Variants in DKKL1 observed in about 807,000 individuals in gnomAD.
DKKL1 encodes dickkopf like acrosomal protein 1, also known as dickkopf-like protein 1.
A neutral mutation model predicts 16.5 loss-of-function variants in DKKL1; 11 were observed. That is an observed-to-expected ratio of 0.67 (90% confidence interval 0.42 to 1.10). The LOEUF (loss-of-function observed/expected upper bound fraction) is 1.10. Ranked by LOEUF, DKKL1 falls within the 50% of genes least tolerant of loss-of-function variation. The pLI, the probability that DKKL1 is intolerant of heterozygous loss-of-function variation, is 0.00. For missense variants in DKKL1, 320 were observed against 308.1 expected (o/e 1.04, Z -0.29); for synonymous variants, 119 against 133.2 (o/e 0.89, Z 0.73).
chr19:49,373,119 C>G (rs1053165602), intron 4 of DKKL1, among the ~76,000 whole-genome samples: 4 of 152,056 alleles, frequency 2.6e-5, no homozygotes, highest in Admixed American at 2.6e-4. Flanking sequence ...ACCTGGCCAA[C>G]ATGGTGAAAC....
At position 49,375,018 on chromosome 19, in the gene DKKL1, G is replaced by A. The variant is rs35389403; in HGVS notation, c.719G>A (p.Arg240Gln). 3.2e-3 allele frequency: 5,122 copies of A among 1,605,236 alleles called. 55 individuals carry two copies. Among genetic ancestry groups the A allele is most frequent in the Middle Eastern group, 0.014 (86 of 6,024 alleles). ...THLLYILRPSRQL is the reference protein window; with the variant it reads ...THLLYILRPSQQL Reference sequence around the variant, plus strand: ...TTACTGTACATCCTCAGGCCCTCTCGGCAGCTGTAGGGGTGGGGACCGGGG... The same window carrying A: ...TTACTGTACATCCTCAGGCCCTCTCAGCAGCTGTAGGGGTGGGGACCGGGG... The change falls in exon 5 of 5, where the codon CGG (arginine) becomes CAG (glutamine). Residue 240 changes from arginine to glutamine, a missense_variant. Arg to Gln is a conservative substitution (Grantham distance 43). Transcript: ENST00000221498.
At position 49,363,974 on chromosome 19, in the gene DKKL1, C is replaced by T; in HGVS notation, c.-25C>T. On this transcript the variant is annotated 5_prime_UTR_variant, in exon 1 of 5. Coordinates refer to ENST00000221498, the MANE Select transcript of DKKL1 (RefSeq NM_014419.4). ...CCCGGGCTGTGGTCTAGCATAAAGG[C>T]GGAGCCCAGAAGAAGGGGCGGGGTA... The T allele has an allele frequency of 6.2e-7, 1 of 1,612,724 alleles. No individual in the cohort carries two copies. Among genetic ancestry groups the T allele is most frequent in the Non-Finnish European group, 8.5e-7 (1 of 1,179,404 alleles).
At chr19:49,373,671 T>G (rs997941287) in intron 4 of DKKL1, among the ~76,000 whole-genome samples, 4 of 152,108 alleles carry the variant, frequency 2.6e-5, no homozygotes, top group African/African-American at 9.7e-5. Flanking sequence ...GATTTTGTCA[T>G]GCTGTCCAGG....
upstream of DKKL1, among the ~76,000 whole-genome samples, chr19:49,362,129 C>T (rs1258998540): frequency 6.6e-6 from 1 of 152,230 alleles, no homozygotes; most frequent in Non-Finnish European, 1.5e-5. Flanking sequence ...CCTTGGCCCG[C>T]ACCCGCTCCT....
chr19:49,365,922 A>G, intron 4 of DKKL1, 37 bp downstream of exon 4: 2 of 1,578,972 alleles, frequency 1.3e-6, no homozygotes, highest in Non-Finnish European at 1.7e-6. Flanking sequence ...GTCCAGGCCC[A>G]AACATTTTCT....
intron 4 of DKKL1, among the ~76,000 whole-genome samples, chr19:49,373,004 AAAAT>A (rs1409713530): frequency 2.6e-5 from 4 of 151,018 alleles, no homozygotes; most frequent in Non-Finnish European, 5.9e-5. Flanking sequence ...TCCATCTCAA[AAAAT>A]AAATAAATAA....
chr19:49,374,649 C>T, intron 4 of DKKL1, 68 bp from the exon 5 acceptor site: 1 of 1,451,364 alleles, frequency 6.9e-7, no homozygotes, highest in Non-Finnish European at 9.2e-7. Context: ...CTGAATAGGT[C>T]AGTGGGGACT....
At chr19:49,372,710 T>C (rs1395008160) in intron 4 of DKKL1, among the ~76,000 whole-genome samples, 3 of 106,370 alleles carry the variant, frequency 2.8e-5, no homozygotes, top group East Asian at 2.8e-4. Context: ...AAAAAAAAAA[T>C]ACAAAGTATG....
In DKKL1 at chr19:49,364,655, C is replaced by T. The variant is rs116223719; in HGVS notation, c.84C>T (p.Ser28=). Residue 28 remains serine (S), a synonymous_variant, in exon 2 of 5, where the codon TCC becomes TCT. Transcript: ENST00000221498. ...TCCTCTCTACCCTGGTGATCCCCTC[C>T]GCTGCAGCTCCTATCCATGATGCTG... The part of the protein sequence containing the change: ...LLLLSTLVIP[S]AAAPIHDADA... 1.3e-3 allele frequency: 2,172 copies of T among 1,613,972 alleles called. 22 individuals are homozygous for T. The African/African-American group carries it at 0.027, about 20-fold the overall frequency.
upstream of DKKL1, among the ~76,000 whole-genome samples, chr19:49,360,943 G>A (rs1185187601): frequency 3.8e-5 from 5 of 130,700 alleles, no homozygotes; most frequent in South Asian, 1.2e-3. Flanking sequence ...CAGTGAAGGG[G>A]GGGACAGAGA....
In DKKL1 at chr19:49,375,029, G is replaced by A. The variant is rs369786077; in HGVS notation, c.*1G>A. The A allele has an allele frequency of 1.1e-5, 18 of 1,599,112 alleles. No individual in the cohort carries two copies. Among genetic ancestry groups the A allele is most frequent in the Non-Finnish European group, 1.5e-5 (18 of 1,172,462 alleles). ...CCTCAGGCCCTCTCGGCAGCTGTAG[G>A]GGTGGGGACCGGGGAGCACCTGCCT... On this transcript the variant is annotated 3_prime_UTR_variant, in exon 5 of 5. Coordinates refer to ENST00000221498, the MANE Select transcript of DKKL1 (RefSeq NM_014419.4).
intron 4 of DKKL1, 48 bp from the exon 5 acceptor site, chr19:49,374,668 TG>T: frequency 1.3e-6 from 2 of 1,500,266 alleles, no homozygotes; most frequent in African/African-American, 2.8e-5. Flanking sequence ...CTGACCATCC[TG>T]GGGTGCTGTT....
upstream of DKKL1, chr19:49,360,523 C>T (rs1600802522): frequency 1.1e-5 from 2 of 174,134 alleles, no homozygotes; most frequent in East Asian, 3.3e-4. Flanking sequence ...ACAATGATTA[C>T]CCTAGAGTAA....
intron 4 of DKKL1, among the ~76,000 whole-genome samples, chr19:49,366,527 G>T (rs1973256226): frequency 6.6e-6 from 1 of 151,828 alleles, no homozygotes; most frequent in Non-Finnish European, 1.5e-5. Context: ...AATTCTAAGT[G>T]CTTGGAAAGC....
chr19:49,361,203 G>GAGAA (rs1972884127), upstream of DKKL1, among the ~76,000 whole-genome samples: 2 of 142,680 alleles, frequency 1.4e-5, no homozygotes, highest in African/African-American at 5.3e-5. Context: ...GGCCCAGAGA[G>GAGAA]GGAGACAGAG....
chr19:49,369,109 A>G (rs1047533384), intron 4 of DKKL1: 2 of 152,174 alleles, frequency 1.3e-5, no homozygotes, highest in African/African-American at 2.4e-5. Context: ...TTCTTTGTTC[A>G]TTGTGCTCTC....
chr19:49,361,187 T>G (rs1174599986), upstream of DKKL1, among the ~76,000 whole-genome samples: 452 of 20,414 alleles, frequency 0.022, no homozygotes, highest in Admixed American at 0.035. Context: ...GAGAGAGGGG[T>G]CCAGAGGCCC....
At chr19:49,364,848 C>A in intron 2 of DKKL1, 94 bp downstream of exon 2, 13 of 1,483,232 alleles carry the variant, frequency 8.8e-6, no homozygotes, top group Non-Finnish European at 1.2e-5. Flanking sequence ...GGGGGACAGA[C>A]AGGATGAGAG....
intron 4 of DKKL1, chr19:49,370,684 A>G (rs1973445532): frequency 1.3e-5 from 2 of 152,264 alleles, no homozygotes; most frequent in South Asian, 4.1e-4. Flanking sequence ...TGCCAAGGAA[A>G]AAGTTCCCAT....
Sources: allele counts gnomAD v4.1 joint callset (sites outside exome capture counted in the v4.1 genomes callset), GRCh38; gene constraint gnomAD v4.1.1; transcripts MANE v1.5; gene names NCBI Gene and HGNC (gene_info 2026-07-23, HGNC 2026-07-21).